The following GRM7 variants were observed in gnomAD, a reference collection of about 807,000 sequenced individuals.
GRM7 encodes the protein glutamate metabotropic receptor 7, also known as metabotropic glutamate receptor 7.
GRM7 carries 35 observed loss-of-function variants against 84.5 expected under a neutral mutation model. The observed-to-expected ratio is 0.41, with a 90% CI of 0.32 to 0.55. GRM7 has a LOEUF of 0.55. Among genes scored for constraint, GRM7 ranks in the 20% least tolerant of loss-of-function variants. The pLI is 0.19. For missense variants in GRM7, 1,003 were observed against 1,194.6 expected, an observed-to-expected ratio of 0.84 and a Z score of 2.36; for synonymous variants, 487 against 455.1, an observed-to-expected ratio of 1.07 and a Z score of -0.89.
At chr3:7,709,379 G>C (rs1701502910) in intron 9 of GRM7, among the ~76,000 whole-genome samples, 1 of 152,184 alleles carries the variant, frequency 6.6e-6, no homozygotes, top group Non-Finnish European at 1.5e-5. Flanking sequence ...CACAGTGAAG[G>C]AAAGAGCCCA....
chr3:6,988,078 G>C (rs11928859), intron 1 of GRM7, among the ~76,000 whole-genome samples: 41,757 of 145,726 alleles, frequency 0.29, 6,176 homozygotes, highest in South Asian at 0.35. Flanking sequence ...CTCACTGCAA[G>C]CTCCGCCTCC....
At chr3:7,637,189 G>A (rs1698135263) in intron 8 of GRM7, among the ~76,000 whole-genome samples, 1 of 152,076 alleles carries the variant, frequency 6.6e-6, no homozygotes, top group African/African-American at 2.4e-5. Flanking sequence ...TGACACCCAG[G>A]CTACAGTGCA....
intron 5 of GRM7, among the ~76,000 whole-genome samples, chr3:7,416,178 G>T (rs1467530397): frequency 6.6e-6 from 1 of 152,104 alleles, no homozygotes; most frequent in Non-Finnish European, 1.5e-5. Context: ...GGCTGCAGGT[G>T]TAGAGAGATG....
At chr3:7,298,118 C>A (rs2125020582) in intron 2 of GRM7, among the ~76,000 whole-genome samples, 1 of 152,198 alleles carries the variant, frequency 6.6e-6, no homozygotes, top group South Asian at 2.1e-4. Flanking sequence ...ATGGCTTAGG[C>A]ACATAGTATG....
intron 2 of GRM7, among the ~76,000 whole-genome samples, chr3:7,291,941 C>T (rs1287953328): frequency 1.3e-5 from 2 of 152,152 alleles, no homozygotes; most frequent in African/African-American, 2.4e-5. Flanking sequence ...GAATAAGTCT[C>T]AGGAGATCTG....
chr3:6,891,905 C>T (rs1373942278), intron 1 of GRM7, among the ~76,000 whole-genome samples: 1 of 152,168 alleles, frequency 6.6e-6, no homozygotes, highest in Non-Finnish European at 1.5e-5. Flanking sequence ...CACATAGTCC[C>T]ATATTTCTTG....
chr3:7,409,574 G>GTTTGT (rs143653987), intron 4 of GRM7, among the ~76,000 whole-genome samples: 2,305 of 150,052 alleles, frequency 0.015, 15 homozygotes, highest in East Asian at 0.018. Context: ...TCTGTTTTGT[G>GTTTGT]TTTGTTTTGT....
At chr3:7,051,750 G>A (rs903389483) in intron 1 of GRM7, among the ~76,000 whole-genome samples, 2 of 151,726 alleles carry the variant, frequency 1.3e-5, no homozygotes, top group African/African-American at 4.8e-5. Context: ...TGCAAAAGAT[G>A]TCTTGTATTC....
At chr3:7,137,785 C>A (rs1693817881) in intron 1 of GRM7, among the ~76,000 whole-genome samples, 1 of 151,984 alleles carries the variant, frequency 6.6e-6, no homozygotes, top group South Asian at 2.1e-4. Context: ...ATAATGTCTT[C>A]TCTTCATTGG....
intron 2 of GRM7, among the ~76,000 whole-genome samples, chr3:7,147,536 G>T (rs903026818): frequency 1.3e-5 from 2 of 152,140 alleles, no homozygotes; most frequent in African/African-American, 4.8e-5. Flanking sequence ...AAACAAACAA[G>T]CAAAGCAATA....
chr3:6,922,055 C>G (rs73124780), intron 1 of GRM7, among the ~76,000 whole-genome samples: 3,113 of 152,310 alleles, frequency 0.02, 109 homozygotes, highest in East Asian at 0.16. Context: ...TTTCAATTCC[C>G]TCGCAAACAT....
chr3:7,132,259 A>T (rs1693626796), intron 1 of GRM7, among the ~76,000 whole-genome samples: 2 of 152,172 alleles, frequency 1.3e-5, no homozygotes, highest in Non-Finnish European at 2.9e-5. Flanking sequence ...TATGGGTCAA[A>T]TATGCTTTGT....
chr3:7,204,069 C>G (rs1696153318), intron 2 of GRM7, among the ~76,000 whole-genome samples: 1 of 152,154 alleles, frequency 6.6e-6, no homozygotes, highest in Non-Finnish European at 1.5e-5. Flanking sequence ...AAAGTAAATT[C>G]AGACTCAAGC....
chr3:7,499,704 A>C (rs1699821191), intron 7 of GRM7, among the ~76,000 whole-genome samples: 1 of 152,066 alleles, frequency 6.6e-6, no homozygotes, highest in Admixed American at 6.6e-5. Flanking sequence ...CCAAGATAAA[A>C]CTGTTGAAGT....
chr3:6,901,996 C>G (rs995177969), intron 1 of GRM7, among the ~76,000 whole-genome samples: 2 of 151,564 alleles, frequency 1.3e-5, no homozygotes, highest in Non-Finnish European at 2.9e-5. Context: ...TTTATTTGCC[C>G]TATGAAGATA....
rs561390458 is a variant in GRM7, at chr3:7,007,618, C to T, written c.520-138834C>T. 4.6e-5 allele frequency among the ~76,000 whole-genome samples: 7 copies of T among 152,244 alleles called. No individual in the cohort carries two copies. The South Asian group carries it at 1.5e-3, about 32-fold the overall frequency. On this transcript the variant is annotated intron_variant, in intron 1 of 9. Transcript: ENST00000357716. The stretch of plus-strand genomic sequence containing the variant: ...GCCTAAGATGGGAAGTTCTCAGTTG[C>T]CAACTCCTGTCTGAGTTTGCTCTGC...
Position 7,151,153 on chromosome 3 carries a change from C to T in GRM7, c.736+4485C>T, listed in dbSNP as rs57974866. ...TAATTAATACTTTATCATAGCCTAGCATATTTTTTTCCTAAAATACTTAGA... is the reference window on the plus strand; with the variant it reads ...TAATTAATACTTTATCATAGCCTAGTATATTTTTTTCCTAAAATACTTAGA... On this transcript the variant is annotated intron_variant, in intron 2 of 9. Coordinates refer to ENST00000357716, the MANE Select transcript of GRM7 (RefSeq NM_000844.4). This position sits in a 1 kb window ranked among gnomAD's most constrained non-coding sequence, Gnocchi z 4.5. Among the ~76,000 whole-genome samples, 1,031 of 97,634 alleles carry T rather than the reference C, an allele frequency of 0.011. 16 individuals are homozygous for T. Among genetic ancestry groups the T allele is most frequent in the African/African-American group, 0.06 (999 of 16,518 alleles). The allele number at this position is 97,634 out of a possible 152,430, so 64.1% of individuals were successfully genotyped here. A position where few individuals can be genotyped will look rare whatever the true frequency, so the allele number is the denominator to read the frequency against.
chr3:7,438,317 A>G (rs1278706742), intron 5 of GRM7, among the ~76,000 whole-genome samples: 2 of 152,038 alleles, frequency 1.3e-5, no homozygotes, highest in African/African-American at 4.8e-5. Flanking sequence ...TGTGCTAAGC[A>G]TTTGGGAATC....
intron 1 of GRM7, among the ~76,000 whole-genome samples, chr3:6,916,608 A>T (rs1298502055): frequency 6.6e-6 from 1 of 152,096 alleles, no homozygotes; most frequent in East Asian, 1.9e-4. Flanking sequence ...GTGTCCTCAC[A>T]TGGTGGAAGG....
Sources: allele counts gnomAD v4.1 joint callset (sites outside exome capture counted in the v4.1 genomes callset), GRCh38; gene constraint gnomAD v4.1.1; non-coding constraint Gnocchi (gnomAD v3.1); transcripts MANE v1.5; gene names NCBI Gene and HGNC (gene_info 2026-07-23, HGNC 2026-07-21).